The following MRPS27 variants were observed in gnomAD, a reference collection of about 807,000 sequenced individuals.
The protein encoded by MRPS27 is mitochondrial ribosomal protein S27, also known as small ribosomal subunit protein mS27.
In MRPS27, 43 loss-of-function variants were observed where a neutral mutation model predicts 48.9. The ratio of observed to expected loss-of-function variants is 0.88; its 90% CI spans 0.69 to 1.13. MRPS27 has a LOEUF of 1.13. Among genes scored for constraint, MRPS27 ranks in the 50% most tolerant of loss-of-function variants. The probability of loss-of-function intolerance (pLI) is 0.00; values close to 1 mark genes in which losing one functional copy is unlikely to be tolerated. For missense variants in MRPS27, 467 were observed against 476.3 expected, an observed-to-expected ratio of 0.98 and a Z score of 0.18; for synonymous variants, 188 against 171.9, an observed-to-expected ratio of 1.09 and a Z score of -0.73.
intron 2 of MRPS27, among the ~76,000 whole-genome samples, chr5:72,313,832 A>T (rs1158941619): frequency 6.6e-6 from 1 of 152,216 alleles, no homozygotes; most frequent in African/African-American, 2.4e-5. Flanking sequence ...TGGACAAAAA[A>T]CAGAAGAAAG....
chr5:72,225,329 C>G, intron 9 of MRPS27, among the ~76,000 whole-genome samples: 1 of 152,170 alleles, frequency 6.6e-6, no homozygotes, highest in East Asian at 1.9e-4. Flanking sequence ...ATATGTGGCT[C>G]TACGGTGACC....
At chr5:72,227,357 T>A (rs1178311423) in intron 8 of MRPS27, 2 of 152,280 alleles carry the variant, frequency 1.3e-5, no homozygotes, top group East Asian at 3.9e-4. Flanking sequence ...AAAAGAGTGG[T>A]CAACTCCTTT....
At chr5:72,226,590 A>T (rs773616792) in intron 8 of MRPS27, among the ~76,000 whole-genome samples, 1 of 152,168 alleles carries the variant, frequency 6.6e-6, no homozygotes, top group African/African-American at 2.4e-5. Context: ...CCCCAGAAAA[A>T]GAAATCTCAC....
At chr5:72,316,741 G>GA (rs1286267150) in intron 1 of MRPS27, among the ~76,000 whole-genome samples, 1 of 148,988 alleles carries the variant, frequency 6.7e-6, no homozygotes, top group Non-Finnish European at 1.5e-5. Flanking sequence ...TAAAAAAATA[G>GA]AAAAACAGCC....
chr5:72,246,727 G>A (rs992449624), intron 4 of MRPS27, among the ~76,000 whole-genome samples: 3 of 152,120 alleles, frequency 2.0e-5, no homozygotes, highest in African/African-American at 4.8e-5. Flanking sequence ...TCTAGGTGAC[G>A]TAAAATTATG....
intron 4 of MRPS27, among the ~76,000 whole-genome samples, chr5:72,243,633 A>G (rs1217874537): frequency 2.0e-5 from 3 of 152,220 alleles, no homozygotes; most frequent in African/African-American, 7.2e-5. Flanking sequence ...CCTGCACAAA[A>G]TAAAAGCACC....
At chr5:72,293,158 A>T (rs1193531419) in intron 4 of MRPS27, among the ~76,000 whole-genome samples, 1 of 152,188 alleles carries the variant, frequency 6.6e-6, no homozygotes, top group Non-Finnish European at 1.5e-5. Flanking sequence ...ATATTCTCTA[A>T]GGGTGGAAAG....
chr5:72,231,167 T>C (rs1313029977), intron 7 of MRPS27, among the ~76,000 whole-genome samples: 2 of 152,072 alleles, frequency 1.3e-5, no homozygotes, highest in African/African-American at 4.8e-5. Flanking sequence ...TCTCCAACCC[T>C]CTCACCCCAC....
chr5:72,293,737 G>A (rs1257092753), intron 4 of MRPS27, among the ~76,000 whole-genome samples: 1 of 152,174 alleles, frequency 6.6e-6, no homozygotes, highest in Non-Finnish European at 1.5e-5. Flanking sequence ...AAGTACTTCT[G>A]AATTTGGAAC....
intron 4 of MRPS27, among the ~76,000 whole-genome samples, chr5:72,257,107 T>C (rs1343063536): frequency 6.6e-6 from 1 of 152,170 alleles, no homozygotes; most frequent in Non-Finnish European, 1.5e-5. Context: ...TCAACTTTGA[T>C]TCTCCACCCT....
intron 2 of MRPS27, among the ~76,000 whole-genome samples, chr5:72,306,935 C>T (rs1750285219): frequency 6.6e-6 from 1 of 152,090 alleles, no homozygotes; most frequent in Admixed American, 6.5e-5. Flanking sequence ...CTCTCTACTT[C>T]TGTATGTTTC....
At chr5:72,269,569 G>C (rs1040845549) in intron 4 of MRPS27, among the ~76,000 whole-genome samples, 1 of 152,204 alleles carries the variant, frequency 6.6e-6, no homozygotes, top group East Asian at 1.9e-4. Flanking sequence ...TGGAAGAGCA[G>C]AGAAAATTCA....
chr5:72,237,698 T>C (rs1472658386), intron 5 of MRPS27, among the ~76,000 whole-genome samples: 1 of 152,046 alleles, frequency 6.6e-6, no homozygotes, highest in Non-Finnish European at 1.5e-5. Flanking sequence ...TCCCCTATAC[T>C]TCACCAGAAG....
At chr5:72,284,893 G>A (rs763219002) in intron 4 of MRPS27, among the ~76,000 whole-genome samples, 5 of 152,072 alleles carry the variant, frequency 3.3e-5, no homozygotes, top group South Asian at 2.1e-4. Context: ...TAATTAAACA[G>A]GCTTCTATTG....
At chr5:72,296,747 A>C (rs1248179043) in intron 3 of MRPS27, among the ~76,000 whole-genome samples, 1 of 152,216 alleles carries the variant, frequency 6.6e-6, no homozygotes, top group East Asian at 1.9e-4. Context: ...GATTCAAAAG[A>C]AAGGTAATTT....
chr5:72,258,517 AGTGGGGGCTAATGGGAG>A (rs1179640142), intron 4 of MRPS27, among the ~76,000 whole-genome samples: 5 of 152,132 alleles, frequency 3.3e-5, no homozygotes, highest in African/African-American at 1.2e-4. Context: ...ACTGCTGGGA[AGTGGGGGCTAATGGGAG>A]GTATTTAGGT....
intron 7 of MRPS27, among the ~76,000 whole-genome samples, chr5:72,230,452 T>C (rs565258075): frequency 7.9e-5 from 12 of 152,224 alleles, no homozygotes; most frequent in Admixed American, 2.0e-4. Context: ...AAGGTTACGA[T>C]TTAGTGCCTC....
intron 2 of MRPS27, among the ~76,000 whole-genome samples, chr5:72,309,452 C>A (rs986731154): frequency 4.6e-5 from 7 of 151,966 alleles, no homozygotes; most frequent in Admixed American, 4.6e-4. Flanking sequence ...TTAGTAGAGG[C>A]GGGGTTTCAC....
rs536415546 is a variant in MRPS27, at chr5:72,265,776, A to G, written c.282-27648T>C. Among the ~76,000 whole-genome samples, 17 of 152,376 alleles carry G rather than the reference A, an allele frequency of 1.1e-4. No individual in the cohort carries two copies. The South Asian group carries it at 2.7e-3, about 24-fold the overall frequency. ...ATTGCAAATCCAAGAAGCCATTAATATAACTCGTAAAACACAAGGAATGTT... is the reference window on the plus strand; with the variant it reads ...ATTGCAAATCCAAGAAGCCATTAATGTAACTCGTAAAACACAAGGAATGTT... On this transcript the variant is annotated intron_variant, in intron 4 of 10. Coordinates refer to ENST00000261413, the MANE Select transcript of MRPS27 (RefSeq NM_015084.3).
Sources: gnomAD v4.1 joint callset for allele counts (sites outside exome capture counted in the v4.1 genomes callset) on GRCh38, gnomAD v4.1.1 for gene constraint, MANE v1.5 for transcripts, NCBI Gene and HGNC (gene_info 2026-07-23, HGNC 2026-07-21) for gene names.